EYS: variants seen among roughly 807,000 people sequenced by gnomAD.
EYS encodes EGF-like photoreceptor maintenance factor, also known as protein eyes shut homolog.
Under a neutral mutation model 282.1 loss-of-function variants are expected in EYS, and 250 were observed. The observed-to-expected ratio is 0.89, with a 90% CI of 0.80 to 0.98. EYS has a LOEUF of 0.98. Ranked by LOEUF, EYS falls within the 50% of genes least tolerant of loss-of-function variation. The pLI is 0.00. For synonymous variants in EYS, 1,355 were observed against 1,282.9 expected (o/e 1.06, Z -1.20); for missense variants, 4,016 against 3,709.0 (o/e 1.08, Z -2.15).
At chr6:64,263,192 A>G (rs181467514) in intron 30 of EYS, among the ~76,000 whole-genome samples, 2 of 152,152 alleles carry the variant, frequency 1.3e-5, no homozygotes, top group Non-Finnish European at 2.9e-5. Context: ...TAACTGTTAT[A>G]ATCTCCTCAC....
chr6:64,291,726 CTTTTA>C lies in EYS; in HGVS notation c.6191+15239_6191+15243del, dbSNP rs201251616. Among the ~76,000 whole-genome samples the C allele has an allele frequency of 5.1e-3, 775 of 151,948 alleles. 2 individuals carry two copies. Among genetic ancestry groups the C allele is most frequent in the Middle Eastern group, 0.017 (5 of 292 alleles). On this transcript the variant is annotated intron_variant, in intron 30 of 42. Coordinates refer to ENST00000503581, the MANE Select transcript of EYS (RefSeq NM_001142800.2). The stretch of plus-strand genomic sequence containing the variant: ...TCTTAAGTGTCTTTGTCTCTATTTT[CTTTTA>C]TTTTAGTGTATTATTCTCATTTATT...
rs373097018 is a variant in EYS, at chr6:64,456,808, C to A, written c.5645-17456G>T. On this transcript the variant is annotated intron_variant, in intron 26 of 42. Coordinates refer to ENST00000503581, the MANE Select transcript of EYS (RefSeq NM_001142800.2). ...TGGTACATAAAAGTCTCTCATTTCC[C>A]ATTATTAAAAAAACAGCTCACATTT... Among the ~76,000 whole-genome samples, 23 of 151,936 alleles carry A rather than the reference C, an allele frequency of 1.5e-4. No homozygotes were observed. In the South Asian group the frequency reaches 4.6e-3, roughly 30 times the overall value.
intron 2 of EYS, among the ~76,000 whole-genome samples, chr6:65,610,143 G>A (rs1427442160): frequency 1.3e-5 from 2 of 151,998 alleles, no homozygotes; most frequent in Admixed American, 1.3e-4. Flanking sequence ...CAGGCCACAA[G>A]TGAACCTTTC....
At chr6:65,372,095 T>G (rs189399016) in intron 8 of EYS, among the ~76,000 whole-genome samples, 1 of 151,932 alleles carries the variant, frequency 6.6e-6, no homozygotes, top group East Asian at 1.9e-4. Context: ...AAATTTTGTG[T>G]TTTTTTCTTT....
At chr6:65,651,620 GAATAATACAGCAAC>G (rs564129289) in intron 1 of EYS, among the ~76,000 whole-genome samples, 32 of 152,124 alleles carry the variant, frequency 2.1e-4, no homozygotes, top group Non-Finnish European at 3.8e-4. Flanking sequence ...GTAAATGAAT[GAATAATACAGCAAC>G]CACTAGAGGA....
At chr6:63,806,980 A>G (rs1431508438) in intron 36 of EYS, 1 of 152,224 alleles carries the variant, frequency 6.6e-6, no homozygotes, top group African/African-American at 2.4e-5. Flanking sequence ...TAATAAAAAC[A>G]TGGAATTCAA....
intron 5 of EYS, among the ~76,000 whole-genome samples, chr6:65,465,524 T>C (rs1764970070): frequency 6.6e-6 from 1 of 151,408 alleles, no homozygotes; most frequent in African/African-American, 2.4e-5. Context: ...AAAAGACAGA[T>C]AATAGAATGA....
At chr6:64,040,866 C>A (rs1296340721) in intron 33 of EYS, among the ~76,000 whole-genome samples, 1 of 152,002 alleles carries the variant, frequency 6.6e-6, no homozygotes, top group African/African-American at 2.4e-5. Context: ...TTACAATTGC[C>A]TATGAAAAAT....
chr6:64,545,066 A>G (rs549010064), intron 26 of EYS, among the ~76,000 whole-genome samples: 2 of 152,324 alleles, frequency 1.3e-5, no homozygotes, highest in South Asian at 2.1e-4. Flanking sequence ...AGACACAACA[A>G]AGAAAGAGAA....
chr6:64,640,716 T>C (rs1182632191), intron 22 of EYS, among the ~76,000 whole-genome samples: 8 of 152,142 alleles, frequency 5.3e-5, no homozygotes, highest in Non-Finnish European at 8.8e-5. Flanking sequence ...ACTTAAAGTA[T>C]AATAATAAAA....
chr6:63,904,659 G>A (rs1384017972), intron 35 of EYS, among the ~76,000 whole-genome samples: 1 of 152,300 alleles, frequency 6.6e-6, no homozygotes, highest in Middle Eastern at 3.4e-3. Context: ...CTTGGGGAAG[G>A]AACTGAGAGG....
chr6:64,864,220 G>T (rs181895026), intron 19 of EYS, among the ~76,000 whole-genome samples: 289 of 151,904 alleles, frequency 1.9e-3, no homozygotes, highest in East Asian at 1.7e-3. Flanking sequence ...TAAATGGAAG[G>T]ATATGTTTTT....
Position 63,984,427 on chromosome 6 carries a change from A to C in EYS, c.7011T>G (p.Pro2337=), listed in dbSNP as rs1156461790. Residue 2337 remains proline, a synonymous_variant, in exon 35 of 43, where the codon CCT becomes CCG. Transcript: ENST00000503581. ...HGKNIENCHV[P]WCAHHLCRNN... Reference sequence around the variant, plus strand: ...TGCGGCACAGATGATGAGCACACCAAGGGACGTGGCAGTTCTCAATATTCT... The same window carrying C: ...TGCGGCACAGATGATGAGCACACCACGGGACGTGGCAGTTCTCAATATTCT... 6.5e-7 allele frequency: 1 copy of C among 1,549,560 alleles called. No individual in the cohort carries two copies. The highest frequency in any genetic ancestry group is 8.7e-7 in the Non-Finnish European group (1 of 1,145,574).
chr6:63,937,493 G>GC (rs1333978270), intron 35 of EYS, among the ~76,000 whole-genome samples: 5 of 149,458 alleles, frequency 3.3e-5, no homozygotes, highest in Non-Finnish European at 1.5e-5. Context: ...CCATTCTCCT[G>GC]CCTCAGCCTC....
chr6:64,618,197 CATCAACCT>C (rs935634292), intron 23 of EYS, among the ~76,000 whole-genome samples: 2 of 152,266 alleles, frequency 1.3e-5, no homozygotes, highest in Non-Finnish European at 2.9e-5. Flanking sequence ...TTATTTCCAT[CATCAACCT>C]ATCAACCAAC....
chr6:64,673,862 C>T (rs911587950), intron 22 of EYS, among the ~76,000 whole-genome samples: 30 of 151,926 alleles, frequency 2.0e-4, no homozygotes, highest in African/African-American at 6.3e-4. Context: ...TAAATAGAAA[C>T]CTGTACTTTG....
intron 31 of EYS, among the ~76,000 whole-genome samples, chr6:64,104,937 CTAGA>C (rs1772958390): frequency 6.6e-6 from 1 of 151,470 alleles, no homozygotes; most frequent in African/African-American, 2.4e-5. Flanking sequence ...TGTCCTGGGA[CTAGA>C]TAAAGTATGA....
chr6:64,813,908 G>A (rs918234822), intron 21 of EYS, among the ~76,000 whole-genome samples: 2 of 151,904 alleles, frequency 1.3e-5, no homozygotes, highest in African/African-American at 4.8e-5. Flanking sequence ...GAATTCACTG[G>A]CCCTTAGTGT....
chr6:64,421,465 A>G (rs906971155), intron 28 of EYS, among the ~76,000 whole-genome samples: 4 of 152,138 alleles, frequency 2.6e-5, no homozygotes, highest in African/African-American at 9.7e-5. Flanking sequence ...GGATGATGTC[A>G]TTTCTCATTA....
Sources: allele counts gnomAD v4.1 joint callset (sites outside exome capture counted in the v4.1 genomes callset), GRCh38; gene constraint gnomAD v4.1.1; transcripts MANE v1.5; gene names NCBI Gene and HGNC (gene_info 2026-07-23, HGNC 2026-07-21).